The following PDZRN3 variants were observed in gnomAD, a reference collection of about 807,000 sequenced individuals.
PDZRN3 encodes PDZ domain containing ring finger 3.
Under a neutral mutation model 85.7 loss-of-function variants are expected in PDZRN3, and 38 were observed. The observed-to-expected ratio is 0.44, with a 90% CI of 0.34 to 0.58. The LOEUF is 0.58. Among genes scored for constraint, PDZRN3 ranks in the 20% least tolerant of loss-of-function variants. The pLI, the probability that PDZRN3 is intolerant of heterozygous loss-of-function variation, is 0.01. For missense variants in PDZRN3, 1,629 were observed against 1,506.4 expected (o/e 1.08, Z -1.35); for synonymous variants, 759 against 638.0 (o/e 1.19, Z -2.86).
In PDZRN3 at chr3:73,624,376, C is replaced by A; in HGVS notation, c.450G>T (p.Leu150Phe). 1 of 1,312,016 alleles carries A rather than the reference C, an allele frequency of 7.6e-7. No individual in the cohort carries two copies. The highest frequency in any genetic ancestry group is 1.6e-5 in the African/African-American group (1 of 64,258). 81.3% of individuals were successfully genotyped at this position (1,312,016 alleles called of 1,614,324 possible). A position where few individuals can be genotyped will look rare whatever the true frequency, so the allele number is the denominator to read the frequency against. ...GRCQEGCGLP[L>F]THGEQRAGGH... ...CGCCCGCGCGCTGCTCGCCGTGCGT[C>A]AAGGGTAGCCCGCAGCCCTCCTGGC... The change falls in exon 1 of 10, where the codon TTG (leucine) becomes TTT (phenylalanine). Residue 150 changes from leucine (L) to phenylalanine (F), a missense_variant. Physicochemically the swap from Leu to Phe is conservative, Grantham distance 22 (BLOSUM62 0). Coordinates refer to ENST00000263666, the MANE Select transcript of PDZRN3 (RefSeq NM_015009.3).
intron 3 of PDZRN3, among the ~76,000 whole-genome samples, chr3:73,434,937 G>A (rs1199757505): frequency 1.3e-5 from 2 of 152,292 alleles, no homozygotes; most frequent in East Asian, 3.9e-4. Context: ...TTGCCCCATT[G>A]CCTGAACGAA....
intron 1 of PDZRN3, among the ~76,000 whole-genome samples, chr3:73,613,672 G>A (rs961148918): frequency 6.6e-6 from 1 of 152,106 alleles, no homozygotes; most frequent in African/African-American, 2.4e-5. Flanking sequence ...TTCCCAGAGG[G>A]CAAGTGTCTC....
intron 8 of PDZRN3, among the ~76,000 whole-genome samples, chr3:73,386,656 A>G (rs1313214240): frequency 6.6e-6 from 1 of 152,230 alleles, no homozygotes; most frequent in Non-Finnish European, 1.5e-5. Context: ...CGCTGACATA[A>G]TTGTCTATGG....
chr3:73,515,588 AACTCC>A (rs898410019), intron 3 of PDZRN3, among the ~76,000 whole-genome samples: 1 of 152,178 alleles, frequency 6.6e-6, no homozygotes, highest in African/African-American at 2.4e-5. Flanking sequence ...TTTCAAATTT[AACTCC>A]ACCCAATATT....
At chr3:73,389,552 G>C (rs1188949181) in intron 7 of PDZRN3, among the ~76,000 whole-genome samples, 1 of 152,122 alleles carries the variant, frequency 6.6e-6, no homozygotes, top group African/African-American at 2.4e-5. Flanking sequence ...AAAATAAGGA[G>C]AACTGGCTCA....
chr3:73,404,466 G>A (rs1701814702), intron 3 of PDZRN3, 71 bp from the exon 4 acceptor site: 1 of 1,470,054 alleles, frequency 6.8e-7, no homozygotes, highest in Non-Finnish European at 9.3e-7. Flanking sequence ...TACATGAATT[G>A]CCTGCTTTCA....
intron 3 of PDZRN3, among the ~76,000 whole-genome samples, chr3:73,431,739 G>GAA (rs1702435495): frequency 6.6e-6 from 1 of 152,150 alleles, no homozygotes; most frequent in Non-Finnish European, 1.5e-5. Flanking sequence ...CCAGATGGAA[G>GAA]TCATTTATCA....
intron 3 of PDZRN3, among the ~76,000 whole-genome samples, chr3:73,447,903 C>A (rs1329763969): frequency 6.6e-6 from 1 of 152,232 alleles, no homozygotes. Context: ...CTACCCAGAT[C>A]CCTCTGGTAA....
chr3:73,545,125 A>G (rs1701391968), intron 3 of PDZRN3, among the ~76,000 whole-genome samples: 1 of 152,204 alleles, frequency 6.6e-6, no homozygotes, highest in Non-Finnish European at 1.5e-5. Flanking sequence ...ACCTTTACTG[A>G]GCCCACACTG....
At chr3:73,569,351 T>C (rs375177839) in intron 3 of PDZRN3, 9 of 1,207,408 alleles carry the variant, frequency 7.5e-6, no homozygotes, top group East Asian at 5.7e-5. Flanking sequence ...TTAATAATCT[T>C]TAGTGAGGAG....
chr3:73,437,719 T>G (rs1702557746), intron 3 of PDZRN3, among the ~76,000 whole-genome samples: 1 of 152,346 alleles, frequency 6.6e-6, no homozygotes, highest in Non-Finnish European at 1.5e-5. Context: ...AAAGTGATTT[T>G]TTTTTTCTAA....
At chr3:73,448,578 A>G (rs769941371) in intron 3 of PDZRN3, among the ~76,000 whole-genome samples, 1 of 152,204 alleles carries the variant, frequency 6.6e-6, no homozygotes, top group African/African-American at 2.4e-5. Flanking sequence ...GCTAAACACT[A>G]ATCTCAATCT....
At chr3:73,603,857 TCA>T (rs1277540986) in intron 2 of PDZRN3, among the ~76,000 whole-genome samples, 1 of 139,618 alleles carries the variant, frequency 7.2e-6, no homozygotes, top group Non-Finnish European at 1.5e-5. Flanking sequence ...CCTTCCTTCT[TCA>T]CACTTCCCCA....
intron 2 of PDZRN3, among the ~76,000 whole-genome samples, chr3:73,608,270 C>A (rs1402852737): frequency 6.6e-6 from 1 of 152,192 alleles, no homozygotes; most frequent in African/African-American, 2.4e-5. Flanking sequence ...TGGCTGGTTA[C>A]CCAGTTCCAA....
At chr3:73,425,942 A>T (rs780473479) in intron 3 of PDZRN3, among the ~76,000 whole-genome samples, 4 of 152,174 alleles carry the variant, frequency 2.6e-5, no homozygotes, top group Non-Finnish European at 5.9e-5. Context: ...AATTCTGCCA[A>T]TTCAGATTCA....
In PDZRN3 at chr3:73,386,955, C is replaced by G. The variant is rs779966619; in HGVS notation, c.1518+1013G>C. Reference sequence around the variant, plus strand: ...GCTCCCATAAGTCCTACGTGTTGTGCGAGGGACCTCGTGGGAGATAATTGA... The same window carrying G: ...GCTCCCATAAGTCCTACGTGTTGTGGGAGGGACCTCGTGGGAGATAATTGA... On this transcript the variant is annotated intron_variant, in intron 8 of 9. Coordinates refer to ENST00000263666, the MANE Select transcript of PDZRN3 (RefSeq NM_015009.3). 3.9e-5 allele frequency among the ~76,000 whole-genome samples: 6 copies of G among 152,280 alleles called. No homozygotes were observed. In the East Asian group the frequency reaches 1.2e-3, roughly 29 times the overall value.
intron 3 of PDZRN3, among the ~76,000 whole-genome samples, chr3:73,467,815 T>C (rs150770566): frequency 0.011 from 1,655 of 152,342 alleles, 17 homozygotes; most frequent in Non-Finnish European, 0.019. Context: ...ATGGAAAATA[T>C]AGTTACTCAT....
chr3:73,513,143 G>T lies in PDZRN3; in HGVS notation c.918+89211C>A, dbSNP rs58661455. ...TGAATCTAGCCCACGGACCTCCAAA[G>T]TCGAAAACAGGGCAACCCAGGCTTC... On this transcript the variant is annotated intron_variant, in intron 3 of 9. Transcript: ENST00000263666. 1.0e-2 allele frequency among the ~76,000 whole-genome samples: 1,521 copies of T among 152,266 alleles called. 23 individuals are homozygous for T. The highest frequency in any genetic ancestry group is 0.034 in the African/African-American group (1,413 of 41,556).
At chr3:73,481,909 C>T (rs551533768) in intron 3 of PDZRN3, among the ~76,000 whole-genome samples, 3 of 152,312 alleles carry the variant, frequency 2.0e-5, no homozygotes, top group South Asian at 4.1e-4. Context: ...ACCATCCCTT[C>T]GCACCCCCAC....
Sources: gnomAD v4.1 joint callset for allele counts (sites outside exome capture counted in the v4.1 genomes callset) on GRCh38, gnomAD v4.1.1 for gene constraint, MANE v1.5 for transcripts, NCBI Gene and HGNC (gene_info 2026-07-23, HGNC 2026-07-21) for gene names.